The following IHO1 variants were observed in gnomAD, a reference collection of about 807,000 sequenced individuals.
IHO1 encodes interactor of HORMAD1 1.
Under a neutral mutation model 31.0 loss-of-function variants are expected in IHO1, and 13 were observed. The ratio of observed to expected loss-of-function variants is 0.42; its 90% CI spans 0.27 to 0.67. IHO1 has a LOEUF of 0.67. Among genes scored for constraint, IHO1 ranks in the 30% least tolerant of loss-of-function variants. The pLI is 0.24. For synonymous variants in IHO1, 221 were observed against 248.4 expected (o/e 0.89, Z 1.04); for missense variants, 599 against 687.5 (o/e 0.87, Z 1.44).
At chr3:49,236,968 T>C (rs549106799) in intron 3 of IHO1, among the ~76,000 whole-genome samples, 16 of 151,840 alleles carry the variant, frequency 1.1e-4, no homozygotes, top group African/African-American at 3.9e-4. Flanking sequence ...GGAGGATTGC[T>C]TGAGCCCAGG....
chr3:49,246,193 A>C (rs1012824384), intron 6 of IHO1, among the ~76,000 whole-genome samples: 1 of 151,468 alleles, frequency 6.6e-6, no homozygotes, highest in Non-Finnish European at 1.5e-5. Context: ...AAAAAAAAAA[A>C]AAAAAAAAAC....
chr3:49,201,872 C>T (rs147579303), intron 1 of IHO1, among the ~76,000 whole-genome samples: 4 of 152,120 alleles, frequency 2.6e-5, no homozygotes, highest in African/African-American at 9.7e-5. Context: ...GAGCCAAGAT[C>T]GCAACATTGC....
At chr3:49,224,251 T>C (rs2046390863) in intron 2 of IHO1, among the ~76,000 whole-genome samples, 1 of 152,216 alleles carries the variant, frequency 6.6e-6, no homozygotes, top group Non-Finnish European at 1.5e-5. Context: ...AGTTGTTCCA[T>C]ACCAAGGATC....
At chr3:49,241,514 C>A in intron 4 of IHO1, 125 bp downstream of exon 4, 14 of 739,662 alleles carry the variant, frequency 1.9e-5, no homozygotes, top group East Asian at 2.9e-5. Flanking sequence ...CCAGAGAAAC[C>A]AAACCATAGG....
chr3:49,212,873 G>C (rs915335350), intron 2 of IHO1, among the ~76,000 whole-genome samples: 5 of 152,202 alleles, frequency 3.3e-5, no homozygotes, highest in Admixed American at 6.5e-5. Context: ...AAGAGGATCG[G>C]AGCTGGTTGC....
upstream of IHO1, chr3:49,199,357 A>C (rs546898502): frequency 6.6e-6 from 1 of 150,464 alleles, no homozygotes; most frequent in African/African-American, 2.5e-5. Context: ...GTCAGAGGAG[A>C]CCCTGGGGGC....
chr3:49,202,389 G>A lies in IHO1; in HGVS notation c.-16+2816G>A, dbSNP rs186518200. Among the ~76,000 whole-genome samples, 14 of 147,556 alleles carry A rather than the reference G, an allele frequency of 9.5e-5. 1 individual carries two copies. The highest frequency in any genetic ancestry group is 7.6e-4 in the Admixed American group (11 of 14,540). ...CGCCCAGGCTAGAGTGCAGTGGCGCGATCTCTGCTCACTGCAAGCTCCACC... is the reference window on the plus strand; with the variant it reads ...CGCCCAGGCTAGAGTGCAGTGGCGCAATCTCTGCTCACTGCAAGCTCCACC... On this transcript the variant is annotated intron_variant, in intron 1 of 7. Transcript: ENST00000452691.
At chr3:49,207,471 T>C (rs1189193363) in intron 1 of IHO1, among the ~76,000 whole-genome samples, 1 of 151,868 alleles carries the variant, frequency 6.6e-6, no homozygotes, top group Admixed American at 6.6e-5. Context: ...GTCTCAATCT[T>C]TTGACCTTGT....
At chr3:49,250,858 C>A (rs1274622374) in intron 6 of IHO1, among the ~76,000 whole-genome samples, 1 of 151,876 alleles carries the variant, frequency 6.6e-6, no homozygotes, top group African/African-American at 2.4e-5. Flanking sequence ...GGTAAAACCC[C>A]GTCTCTACTA....
intron 3 of IHO1, among the ~76,000 whole-genome samples, chr3:49,239,651 T>A (rs1212183122): frequency 6.6e-6 from 1 of 151,234 alleles, no homozygotes; most frequent in Non-Finnish European, 1.5e-5. Flanking sequence ...CTTGAACTCC[T>A]GGGCTCAAGG....
chr3:49,235,112 A>AG (rs2046540167), intron 2 of IHO1, among the ~76,000 whole-genome samples: 1 of 151,844 alleles, frequency 6.6e-6, no homozygotes, highest in African/African-American at 2.4e-5. Flanking sequence ...CCAAAGTGCT[A>AG]GCTAGGATTA....
rs186406608 is a variant in IHO1, at chr3:49,236,967, C to T, written c.231+245C>T. On this transcript the variant is annotated intron_variant, in intron 3 of 7. Transcript: ENST00000452691. ...TGTGGTGGCTGAGGCAGGAGGATTG[C>T]TTGAGCCCAGGAAGTCAAGGCTGCA... Among the ~76,000 whole-genome samples, 4 of 151,720 alleles carry T rather than the reference C, an allele frequency of 2.6e-5. No individual in the cohort carries two copies. In the East Asian group the frequency reaches 7.7e-4, roughly 29 times the overall value.
chr3:49,213,912 T>G (rs999488167), intron 2 of IHO1: 1 of 365,944 alleles, frequency 2.7e-6, no homozygotes, highest in Non-Finnish European at 5.9e-6. Flanking sequence ...GCTGAAGGGC[T>G]CCTCAAGCAT....
intron 6 of IHO1, chr3:49,244,935 T>C: frequency 1.6e-6 from 1 of 632,146 alleles, no homozygotes; most frequent in Non-Finnish European, 2.9e-6. Flanking sequence ...AATGCTCTGG[T>C]CCCATGATGC....
chr3:49,192,230 T>C, the IHO1 span, among the ~76,000 whole-genome samples: 6 of 152,204 alleles, frequency 3.9e-5, no homozygotes, highest in African/African-American at 7.2e-5. Flanking sequence ...GAATAGGCTC[T>C]AACAATTTAT....
intron 1 of IHO1, among the ~76,000 whole-genome samples, chr3:49,201,379 G>A (rs555541623): frequency 6.6e-6 from 1 of 152,082 alleles, no homozygotes; most frequent in South Asian, 2.1e-4. Flanking sequence ...AGGCCAAGGC[G>A]GGTGGATCAC....
At chr3:49,195,564 A>T (rs1447033053), upstream of IHO1, among the ~76,000 whole-genome samples, 1 of 151,400 alleles carries the variant, frequency 6.6e-6, no homozygotes, top group Admixed American at 6.6e-5. Flanking sequence ...TGACAAAAAA[A>T]TTAGCTGGGT....
intron 2 of IHO1, among the ~76,000 whole-genome samples, chr3:49,213,496 G>T (rs2046247936): frequency 1.3e-5 from 2 of 152,360 alleles, no homozygotes; most frequent in South Asian, 4.1e-4. Flanking sequence ...CTGCACTGGG[G>T]CCGCAGGCGG....
At chr3:49,233,765 G>A (rs1425608986) in intron 2 of IHO1, among the ~76,000 whole-genome samples, 2 of 152,216 alleles carry the variant, frequency 1.3e-5, no homozygotes, top group African/African-American at 2.4e-5. Context: ...CTGCAGCACT[G>A]TGACATGTTC....
Sources: allele counts gnomAD v4.1 joint callset (sites outside exome capture counted in the v4.1 genomes callset), GRCh38; gene constraint gnomAD v4.1.1; transcripts MANE v1.5; gene names NCBI Gene and HGNC (gene_info 2026-07-23, HGNC 2026-07-21).